The following MED26 variants were observed in gnomAD, a reference collection of about 807,000 sequenced individuals.
The protein encoded by MED26 is mediator complex subunit 26.
MED26 carries 7 observed loss-of-function variants against 43.7 expected under a neutral mutation model. The ratio of observed to expected loss-of-function variants is 0.16; its 90% CI spans 0.09 to 0.30. The LOEUF is 0.30. Ranked by LOEUF, MED26 falls within the 10% of genes least tolerant of loss-of-function variation. MED26 has a pLI of 1.00. For missense variants in MED26, 784 were observed against 840.6 expected (o/e 0.93, Z 0.83); for synonymous variants, 375 against 371.1 (o/e 1.01, Z -0.12).
intron 1 of MED26, among the ~76,000 whole-genome samples, chr19:16,617,338 A>G (rs147315409): frequency 6.6e-5 from 10 of 152,212 alleles, no homozygotes; most frequent in African/African-American, 2.2e-4. Context: ...TGTCTGCACA[A>G]AAGGTCCTGC....
At chr19:16,597,641 G>C (rs1286190482) in intron 1 of MED26, among the ~76,000 whole-genome samples, 1 of 152,180 alleles carries the variant, frequency 6.6e-6, no homozygotes, top group African/African-American at 2.4e-5. Flanking sequence ...GGTGCGTCCG[G>C]CTCTGTGGGC....
At chr19:16,613,904 C>T (rs1230790303) in intron 1 of MED26, among the ~76,000 whole-genome samples, 1 of 152,152 alleles carries the variant, frequency 6.6e-6, no homozygotes, top group Admixed American at 6.5e-5. Context: ...GGCTTGGTGA[C>T]AGAATCAATG....
intron 1 of MED26, among the ~76,000 whole-genome samples, chr19:16,625,814 G>T (rs1599351971): frequency 1.3e-5 from 2 of 152,218 alleles, no homozygotes; most frequent in South Asian, 2.1e-4. Context: ...CTGTCAAATG[G>T]CCCATAACAG....
chr19:16,601,912 T>C (rs549844785), intron 1 of MED26, among the ~76,000 whole-genome samples: 9 of 152,214 alleles, frequency 5.9e-5, no homozygotes, highest in African/African-American at 1.9e-4. Context: ...CTGTGGGCGC[T>C]GGCCAGCCTC....
At chr19:16,604,339 G>A (rs2086162769) in intron 1 of MED26, among the ~76,000 whole-genome samples, 1 of 152,200 alleles carries the variant, frequency 6.6e-6, no homozygotes, top group Admixed American at 6.5e-5. Context: ...CTCTCCAGAG[G>A]GATAGAAGAA....
At chr19:16,584,388 T>C (rs900749472) in intron 1 of MED26, among the ~76,000 whole-genome samples, 5 of 148,352 alleles carry the variant, frequency 3.4e-5, no homozygotes, top group African/African-American at 7.5e-5. Context: ...GAGAGCCCCA[T>C]AGCCTGTGCT....
At chr19:16,578,034 G>A (rs2086021807) in intron 2 of MED26, 4 of 500,122 alleles carry the variant, frequency 8.0e-6, no homozygotes, top group East Asian at 3.8e-5. Flanking sequence ...CAGAGGGTCC[G>A]CTTCAAGTGG....
chr19:16,598,499 C>T (rs1315593070), intron 1 of MED26, among the ~76,000 whole-genome samples: 1 of 152,148 alleles, frequency 6.6e-6, no homozygotes, highest in Non-Finnish European at 1.5e-5. Flanking sequence ...AGATGCACCC[C>T]ATCATTCTCC....
intron 1 of MED26, among the ~76,000 whole-genome samples, chr19:16,624,837 G>A (rs1311930022): frequency 6.6e-6 from 1 of 152,218 alleles, no homozygotes; most frequent in African/African-American, 2.4e-5. Context: ...GTCAGTTTAA[G>A]CAGCAGGTAG....
chr19:16,578,438 T>C (rs749573776), intron 1 of MED26, 29 bp from the exon 2 acceptor site: 9 of 1,608,800 alleles, frequency 5.6e-6, no homozygotes, highest in Non-Finnish European at 8.5e-7. Context: ...ATTTGTCAGG[T>C]CCCTGTCCTT....
chr19:16,582,758 C>T (rs937510714), intron 1 of MED26, among the ~76,000 whole-genome samples: 1 of 152,214 alleles, frequency 6.6e-6, no homozygotes, highest in African/African-American at 2.4e-5. Flanking sequence ...TGTGGCAGAA[C>T]GAGCTGTGTC....
Position 16,577,154 on chromosome 19 carries a change from C to A in MED26, c.676G>T (p.Val226Leu), listed in dbSNP as rs141322866. 2.5e-6 allele frequency: 4 copies of A among 1,613,300 alleles called. No individual in the cohort carries two copies. Among genetic ancestry groups the A allele is most frequent in the Non-Finnish European group, 3.4e-6 (4 of 1,179,916 alleles). The change falls in exon 3 of 3, where the codon GTG becomes TTG. Residue 226 changes from valine to leucine, a missense_variant. Val to Leu is a conservative substitution (Grantham distance 32, BLOSUM62 1). This residue lies in a region of MED26 where 719 missense variants were observed against 730.9 expected (regional missense o/e 0.98). Coordinates refer to ENST00000263390, the MANE Select transcript of MED26 (RefSeq NM_004831.5). The surrounding 1 kb of genome is among the most constrained non-coding windows in gnomAD (Gnocchi z 8.1). ...KHSGKIPVNAVRPHTSSPGLG... is the reference protein window; with the variant it reads ...KHSGKIPVNALRPHTSSPGLG... Reference sequence around the variant, plus strand: ...CCCGGGGAGCTGGTGTGCGGTCGCACGGCGTTGACGGGGATCTTGCCACTG... The same window carrying A: ...CCCGGGGAGCTGGTGTGCGGTCGCAAGGCGTTGACGGGGATCTTGCCACTG...
At position 16,616,166 on chromosome 19, in the gene MED26, G is replaced by A. The variant is rs11880402; in HGVS notation, c.72+11706C>T. Among the ~76,000 whole-genome samples, 47 of 152,312 alleles carry A rather than the reference G, an allele frequency of 3.1e-4. 1 individual carries two copies. The highest frequency in any genetic ancestry group is 3.4e-3 in the Middle Eastern group (1 of 294). On this transcript the variant is annotated intron_variant, in intron 1 of 2. Transcript: ENST00000263390. The stretch of plus-strand genomic sequence containing the variant: ...CTACCACCAAGCCTGTGTATTATTA[G>A]GTAGCATGCATGTGAGCACCCAGGA...
rs1408379345 is a variant in MED26, at chr19:16,577,720, AG to A, written c.148-39del. The A allele has an allele frequency of 2.7e-6, 4 of 1,500,070 alleles. No homozygotes were observed. The highest frequency in any genetic ancestry group is 3.6e-6 in the Non-Finnish European group (4 of 1,110,820). 92.9% of individuals were successfully genotyped at this position (1,500,070 alleles called of 1,614,324 possible). A position where few individuals can be genotyped will look rare whatever the true frequency, so the allele number is the denominator to read the frequency against. On this transcript the variant is annotated intron_variant, in intron 2 of 2. Coordinates refer to ENST00000263390, the MANE Select transcript of MED26 (RefSeq NM_004831.5). This position sits in a 1 kb window ranked among gnomAD's most constrained non-coding sequence, Gnocchi z 8.1. ...GGAGATGATGACATACTTTCGGGAC[AG>A]GAACTTCTCCATGAGCTGAGCCAGA...
intron 1 of MED26, among the ~76,000 whole-genome samples, chr19:16,593,674 C>T (rs1043708870): frequency 6.6e-6 from 1 of 152,112 alleles, no homozygotes; most frequent in Non-Finnish European, 1.5e-5. Context: ...CGCTTTGTCC[C>T]GTTGTCAGCT....
chr19:16,578,395 C>A lies in MED26; in HGVS notation c.87G>T (p.Val29=). 2 of 1,614,086 alleles carry A rather than the reference C, an allele frequency of 1.2e-6. No homozygotes were observed. The highest frequency in any genetic ancestry group is 1.7e-6 in the Non-Finnish European group (2 of 1,180,008). The part of the protein sequence containing the change: ...IDPQSNIRNM[V]AVLEVISSLE... ...GGCTGGAGATGACTTCCAGCACCGC[C>A]ACCATGTTCCGGATCTGTGGAAATA... The change falls in exon 2 of 3, where the codon GTG becomes GTT. Residue 29 remains valine, a synonymous_variant. Coordinates refer to ENST00000263390, the MANE Select transcript of MED26 (RefSeq NM_004831.5).
At chr19:16,590,770 G>C (rs1301985885) in intron 1 of MED26, among the ~76,000 whole-genome samples, 2 of 152,126 alleles carry the variant, frequency 1.3e-5, no homozygotes, top group African/African-American at 4.8e-5. Flanking sequence ...AGGCACAGCG[G>C]CTCACACCTG....
At chr19:16,603,859 A>G (rs962153206) in intron 1 of MED26, among the ~76,000 whole-genome samples, 1 of 152,154 alleles carries the variant, frequency 6.6e-6, no homozygotes, top group African/African-American at 2.4e-5. Context: ...CTGTGAGTAC[A>G]GGCTCTGGGC....
chr19:16,590,645 G>C lies in MED26; in HGVS notation c.73-12236C>G, dbSNP rs73516913. Among the ~76,000 whole-genome samples, 515 of 152,268 alleles carry C rather than the reference G, an allele frequency of 3.4e-3. 3 individuals are homozygous for C. Among genetic ancestry groups the C allele is most frequent in the African/African-American group, 0.012 (503 of 41,532 alleles). ...TTCAGCTCCCTTTCTTTGCTACCTT[G>C]ATTGTGGTGTTGGTGTTACTGATGT... On this transcript the variant is annotated intron_variant, in intron 1 of 2. Coordinates refer to ENST00000263390, the MANE Select transcript of MED26 (RefSeq NM_004831.5).
Sources: gnomAD v4.1 joint callset for allele counts (sites outside exome capture counted in the v4.1 genomes callset) on GRCh38, gnomAD v4.1.1 for gene constraint, gnomAD v4.1.1 regional missense constraint, Gnocchi (gnomAD v3.1) non-coding constraint, MANE v1.5 for transcripts, NCBI Gene and HGNC (gene_info 2026-07-23, HGNC 2026-07-21) for gene names.